The following RABGAP1L variants were observed in gnomAD, a reference collection of about 807,000 sequenced individuals.
RABGAP1L encodes RAB GTPase activating protein 1 like.
Under a neutral mutation model 137.7 loss-of-function variants are expected in RABGAP1L, and 63 were observed. The ratio of observed to expected loss-of-function variants is 0.46; its 90% CI spans 0.37 to 0.56. The LOEUF is 0.56. RABGAP1L is among the 20% of genes least tolerant of loss of function. The pLI is 0.00. For missense variants in RABGAP1L, 1,095 were observed against 1,244.0 expected (o/e 0.88, Z 1.80); for synonymous variants, 431 against 433.7 (o/e 0.99, Z 0.08).
chr1:174,674,607 A>T (rs1321317740), intron 14 of RABGAP1L, among the ~76,000 whole-genome samples: 4 of 151,076 alleles, frequency 2.6e-5, no homozygotes, highest in Non-Finnish European at 4.4e-5. Flanking sequence ...ATACCCAGTA[A>T]TGGGATGGCT....
intron 17 of RABGAP1L, among the ~76,000 whole-genome samples, chr1:174,711,681 GC>G (rs766137018): frequency 4.6e-5 from 7 of 152,198 alleles, no homozygotes; most frequent in Non-Finnish European, 8.8e-5. Context: ...GTGCCCCCTG[GC>G]ACTCCTGCCC....
In RABGAP1L at chr1:174,990,433, T is replaced by G. The variant is rs955712147; in HGVS notation, c.*432T>G. The G allele has an allele frequency of 6.5e-6, 1 of 153,574 alleles. No homozygotes were observed. Among genetic ancestry groups the G allele is most frequent in the Admixed American group, 6.5e-5 (1 of 15,386 alleles). The allele number at this position is 153,574 out of a possible 1,614,324, so 9.5% of individuals were successfully genotyped here. ...AATTGAAACCTAAACATCTTAAGTT[T>G]TCAGGATTTATTCAGATAAAGCACA... On this transcript the variant is annotated 3_prime_UTR_variant, in exon 26 of 26. Coordinates refer to ENST00000681986, the MANE Select transcript of RABGAP1L (RefSeq NM_001366446.1).
chr1:174,234,208 T>G lies in RABGAP1L; in HGVS notation c.542+2853T>G, dbSNP rs1487494048. On this transcript the variant is annotated intron_variant, in intron 4 of 25. Transcript: ENST00000681986. ...TAGGTTGTGAAAATTTTCTTCCATTTTGTAGGTTGCCTGTTCACTCTGATG... is the reference window on the plus strand; with the variant it reads ...TAGGTTGTGAAAATTTTCTTCCATTGTGTAGGTTGCCTGTTCACTCTGATG... Among the ~76,000 whole-genome samples the G allele has an allele frequency of 3.1e-5, 3 of 97,072 alleles. No individual in the cohort carries two copies. The South Asian group carries it at 1.0e-3, about 34-fold the overall frequency. 63.7% of individuals were successfully genotyped at this position (97,072 alleles called of 152,430 possible).
chr1:174,851,578 A>G (rs779861191), intron 19 of RABGAP1L, among the ~76,000 whole-genome samples: 9 of 151,890 alleles, frequency 5.9e-5, no homozygotes, highest in African/African-American at 1.7e-4. Context: ...CTGGAGTACA[A>G]TCACCACTTA....
At chr1:174,545,763 C>G (rs1369065959) in intron 13 of RABGAP1L, 2 of 152,242 alleles carry the variant, frequency 1.3e-5, no homozygotes, top group Non-Finnish European at 2.9e-5. Flanking sequence ...CCTGTTGCTG[C>G]CTATGTAATT....
intron 19 of RABGAP1L, among the ~76,000 whole-genome samples, chr1:174,868,006 C>A (rs1651575398): frequency 6.6e-6 from 1 of 151,818 alleles, no homozygotes; most frequent in South Asian, 2.1e-4. Context: ...TGCTCCGTCG[C>A]CCAGGGTGGA....
chr1:174,433,688 G>C (rs1424251079), intron 13 of RABGAP1L, among the ~76,000 whole-genome samples: 9 of 152,110 alleles, frequency 5.9e-5, no homozygotes, highest in Admixed American at 5.9e-4. Context: ...GTATGTGCAG[G>C]CTGGATATAC....
chr1:174,603,214 G>C (rs1190376635), intron 13 of RABGAP1L, among the ~76,000 whole-genome samples: 1 of 152,184 alleles, frequency 6.6e-6, no homozygotes, highest in Non-Finnish European at 1.5e-5. Context: ...GACTTGTCAA[G>C]ATCACCTTGA....
chr1:174,602,137 C>T (rs898428446), intron 13 of RABGAP1L, among the ~76,000 whole-genome samples: 7 of 152,128 alleles, frequency 4.6e-5, no homozygotes, highest in Admixed American at 6.6e-5. Flanking sequence ...GGTATCTTTT[C>T]GTCAACGCCC....
At chr1:174,536,624 A>C (rs563188331) in intron 13 of RABGAP1L, among the ~76,000 whole-genome samples, 121 of 152,312 alleles carry the variant, frequency 7.9e-4, no homozygotes, top group Admixed American at 3.7e-3. Flanking sequence ...AACTGCTTTT[A>C]GATAATAGCC....
intron 13 of RABGAP1L, among the ~76,000 whole-genome samples, chr1:174,415,494 A>C (rs1430833238): frequency 1.3e-5 from 2 of 152,016 alleles, no homozygotes; most frequent in Non-Finnish European, 2.9e-5. Flanking sequence ...TCACTTTTGC[A>C]CTTTGAGAAG....
At chr1:174,548,269 T>C (rs1666180372) in intron 13 of RABGAP1L, 3 of 1,366,958 alleles carry the variant, frequency 2.2e-6, no homozygotes, top group South Asian at 1.7e-5. Flanking sequence ...TTAAACTCTT[T>C]GCTATATAAC....
intron 17 of RABGAP1L, among the ~76,000 whole-genome samples, chr1:174,717,135 T>C (rs1393104424): frequency 6.6e-6 from 1 of 152,144 alleles, no homozygotes; most frequent in Non-Finnish European, 1.5e-5. Flanking sequence ...TTAGGCCAGG[T>C]GCAGTGGCTC....
chr1:174,509,823 T>G (rs1662165745), intron 13 of RABGAP1L, among the ~76,000 whole-genome samples: 1 of 152,212 alleles, frequency 6.6e-6, no homozygotes, highest in African/African-American at 2.4e-5. Context: ...ACTACCTCAG[T>G]TCATGACACC....
chr1:174,683,794 G>A (rs543587811), intron 15 of RABGAP1L, among the ~76,000 whole-genome samples, 198 bp downstream of exon 15: 1 of 152,282 alleles, frequency 6.6e-6, no homozygotes, highest in African/African-American at 2.4e-5. Flanking sequence ...AATTAGTTTT[G>A]TTGGCTAGAA....
chr1:174,789,021 T>C (rs1273833342), intron 18 of RABGAP1L, among the ~76,000 whole-genome samples: 2 of 152,188 alleles, frequency 1.3e-5, no homozygotes, highest in Non-Finnish European at 2.9e-5. Context: ...GCCTGTTTTA[T>C]GCTTTTAAGT....
chr1:174,424,885 AT>A (rs1243361647), intron 13 of RABGAP1L, among the ~76,000 whole-genome samples: 5 of 151,994 alleles, frequency 3.3e-5, no homozygotes, highest in African/African-American at 1.2e-4. Context: ...TTGGATCCAA[AT>A]TTTTTGTGGA....
At chr1:174,930,012 G>A (rs1663517633) in intron 19 of RABGAP1L, among the ~76,000 whole-genome samples, 1 of 147,374 alleles carries the variant, frequency 6.8e-6, no homozygotes, top group Non-Finnish European at 1.5e-5. Flanking sequence ...CACCATGCCA[G>A]ATTTTTTTTT....
At chr1:174,757,893 G>C (rs1161453944) in intron 18 of RABGAP1L, among the ~76,000 whole-genome samples, 4 of 151,930 alleles carry the variant, frequency 2.6e-5, no homozygotes, top group Non-Finnish European at 5.9e-5. Context: ...CGTGGTGGTG[G>C]GCACCTGTAA....
Sources: gnomAD v4.1 joint callset for allele counts (sites outside exome capture counted in the v4.1 genomes callset) on GRCh38, gnomAD v4.1.1 for gene constraint, MANE v1.5 for transcripts, NCBI Gene and HGNC (gene_info 2026-07-23, HGNC 2026-07-21) for gene names.